The following SH3RF2 variants were observed in gnomAD, a reference collection of about 807,000 sequenced individuals.
SH3RF2 encodes E3 ubiquitin-protein ligase SH3RF2.
A neutral mutation model predicts 59.0 loss-of-function variants in SH3RF2; 43 were observed. The observed-to-expected ratio is 0.73, with a 90% CI of 0.57 to 0.94. The LOEUF is 0.94. SH3RF2 is among the 40% of genes least tolerant of loss of function. The pLI, the probability that SH3RF2 is intolerant of heterozygous loss-of-function variation, is 0.00. For missense variants in SH3RF2, 930 were observed against 940.1 expected (o/e 0.99, Z 0.14); for synonymous variants, 391 against 391.5 (o/e 1.00, Z 0.01).
At chr5:146,053,806 G>A (rs1407423508) in intron 7 of SH3RF2, among the ~76,000 whole-genome samples, 1 of 152,092 alleles carries the variant, frequency 6.6e-6, no homozygotes, top group Non-Finnish European at 1.5e-5. Flanking sequence ...GTGACAAATG[G>A]GCCACCACTC....
chr5:146,065,985 T>C (rs1269059559), downstream of SH3RF2, among the ~76,000 whole-genome samples: 1 of 152,244 alleles, frequency 6.6e-6, no homozygotes, highest in Non-Finnish European at 1.5e-5. Flanking sequence ...TACTGTGTGC[T>C]AGACACAGCA....
At chr5:146,018,680 A>AT (rs1323159276) in intron 5 of SH3RF2, among the ~76,000 whole-genome samples, 2 of 152,058 alleles carry the variant, frequency 1.3e-5, no homozygotes, top group Non-Finnish European at 2.9e-5. Context: ...TGGTAGATCT[A>AT]TTTTCAGTTC....
chr5:145,977,635 T>C (rs1759344884), intron 2 of SH3RF2, among the ~76,000 whole-genome samples: 2 of 152,150 alleles, frequency 1.3e-5, no homozygotes, highest in South Asian at 4.2e-4. Flanking sequence ...TCTTACAGTA[T>C]CCCCATATGG....
At chr5:145,981,707 G>T (rs1314765487) in intron 2 of SH3RF2, among the ~76,000 whole-genome samples, 1 of 152,198 alleles carries the variant, frequency 6.6e-6, no homozygotes, top group Non-Finnish European at 1.5e-5. Context: ...CTAGCCACAT[G>T]CAGCTCTTCA....
At chr5:146,026,968 T>C (rs906763219) in intron 5 of SH3RF2, among the ~76,000 whole-genome samples, 6 of 152,216 alleles carry the variant, frequency 3.9e-5, no homozygotes, top group Admixed American at 1.3e-4. Flanking sequence ...ATTATTATCA[T>C]TGGGTCAAGC....
At chr5:146,029,862 C>A (rs1203658157) in intron 5 of SH3RF2, among the ~76,000 whole-genome samples, 2 of 152,078 alleles carry the variant, frequency 1.3e-5, no homozygotes, top group East Asian at 1.9e-4. Flanking sequence ...AAGAAAAAAA[C>A]CATTTATTGT....
chr5:145,956,467 G>C (rs1444218245), intron 2 of SH3RF2, among the ~76,000 whole-genome samples: 1 of 151,966 alleles, frequency 6.6e-6, no homozygotes, highest in Non-Finnish European at 1.5e-5. Context: ...GTAGAGACAG[G>C]ATTTCACCAT....
At chr5:145,956,737 A>C (rs1758424776) in intron 2 of SH3RF2, among the ~76,000 whole-genome samples, 1 of 152,196 alleles carries the variant, frequency 6.6e-6, no homozygotes, top group East Asian at 1.9e-4. Flanking sequence ...CAAGACCACA[A>C]ATCTAGAGGT....
chr5:146,058,022 C>A (rs1762745920), intron 8 of SH3RF2, among the ~76,000 whole-genome samples: 1 of 150,514 alleles, frequency 6.6e-6, no homozygotes, highest in East Asian at 1.9e-4. Context: ...GAGAAATGTT[C>A]ACACTCAGTC....
chr5:145,954,896 G>C (rs2149949195), intron 2 of SH3RF2, among the ~76,000 whole-genome samples: 1 of 152,100 alleles, frequency 6.6e-6, no homozygotes, highest in South Asian at 2.1e-4. Context: ...GGAGAGAGTG[G>C]AGAGGAGAGG....
At chr5:145,981,935 C>T (rs1759521586) in intron 2 of SH3RF2, among the ~76,000 whole-genome samples, 1 of 152,134 alleles carries the variant, frequency 6.6e-6, no homozygotes, top group South Asian at 2.1e-4. Context: ...TTCTCATATG[C>T]ACTCAAGAAC....
chr5:145,945,347 T>TA (rs1386932432), intron 2 of SH3RF2, among the ~76,000 whole-genome samples: 1 of 152,226 alleles, frequency 6.6e-6, no homozygotes, highest in Non-Finnish European at 1.5e-5. Flanking sequence ...CAATGGTATA[T>TA]AGTTTTACGA....
At chr5:146,073,564 C>T (rs1029787326) in intron 9 of SH3RF2, among the ~76,000 whole-genome samples, 1 of 152,244 alleles carries the variant, frequency 6.6e-6, no homozygotes, top group Non-Finnish European at 1.5e-5. Context: ...GACCTATGGG[C>T]TCCAGGCAAG....
At chr5:146,047,166 T>TGTGTGTGTGTGTGTGTGC (rs1222996540) in intron 5 of SH3RF2, among the ~76,000 whole-genome samples, 1 of 151,944 alleles carries the variant, frequency 6.6e-6, no homozygotes, top group African/African-American at 2.4e-5. Context: ...TGTGTGTGTG[T>TGTGTGTGTGTGTGTGTGC]GTGTGTGTGT....
intron 2 of SH3RF2, among the ~76,000 whole-genome samples, chr5:145,998,435 A>G (rs1480952366): frequency 6.6e-6 from 1 of 152,162 alleles, no homozygotes; most frequent in Non-Finnish European, 1.5e-5. Context: ...TGGTGTGTAG[A>G]AAGATGTGTT....
chr5:145,937,104 G>A (rs1285649826), intron 1 of SH3RF2: 2 of 151,674 alleles, frequency 1.3e-5, no homozygotes, highest in Admixed American at 6.6e-5. Context: ...AACTAAACAG[G>A]CTGCACTACT....
chr5:146,043,931 T>C (rs1345163595), intron 5 of SH3RF2: 1 of 152,208 alleles, frequency 6.6e-6, no homozygotes, highest in Non-Finnish European at 1.5e-5. Context: ...GTACAGGTCC[T>C]TCTATGGACA....
chr5:146,043,314 G>A (rs931330362), intron 5 of SH3RF2, among the ~76,000 whole-genome samples: 3 of 152,054 alleles, frequency 2.0e-5, no homozygotes, highest in Non-Finnish European at 4.4e-5. Context: ...CTATTCAGGT[G>A]GCCCCCTACC....
intron 7 of SH3RF2, chr5:146,050,189 T>C (rs1199514239): frequency 6.6e-6 from 1 of 152,222 alleles, no homozygotes; most frequent in Non-Finnish European, 1.5e-5. Flanking sequence ...TTATTTAACC[T>C]GTAGAAGACA....
Sources: gnomAD v4.1 joint callset for allele counts (sites outside exome capture counted in the v4.1 genomes callset) on GRCh38, gnomAD v4.1.1 for gene constraint, MANE v1.5 for transcripts, NCBI Gene and HGNC (gene_info 2026-07-23, HGNC 2026-07-21) for gene names.